Variants in KCNQ5 observed in about 807,000 individuals in gnomAD.
KCNQ5 encodes the protein potassium voltage-gated channel subfamily KQT member 5.
KCNQ5 carries 30 observed loss-of-function variants against 98.2 expected under a neutral mutation model. The ratio of observed to expected loss-of-function variants is 0.31; its 90% CI spans 0.23 to 0.41. KCNQ5 has a LOEUF of 0.41. Among genes scored for constraint, KCNQ5 ranks in the 10% least tolerant of loss-of-function variants. KCNQ5 has a pLI of 1.00. For synonymous variants in KCNQ5, 458 were observed against 449.4 expected, an observed-to-expected ratio of 1.02 and a Z score of -0.24; for missense variants, 835 against 1,182.5, an observed-to-expected ratio of 0.71 and a Z score of 4.31.
chr6:73,140,938 C>G (rs1368042064), intron 10 of KCNQ5, among the ~76,000 whole-genome samples: 2 of 152,162 alleles, frequency 1.3e-5, no homozygotes, highest in Admixed American at 6.5e-5. Flanking sequence ...GTACTCTTGT[C>G]CCCCTAAGAT....
intron 3 of KCNQ5, among the ~76,000 whole-genome samples, chr6:73,048,377 C>T (rs765352091): frequency 2.6e-5 from 4 of 152,032 alleles, no homozygotes; most frequent in Admixed American, 2.0e-4. Context: ...CATAAGGTCT[C>T]GTGGCTGGAG....
At chr6:72,987,812 A>C in intron 1 of KCNQ5, 1 of 378,828 alleles carries the variant, frequency 2.6e-6, no homozygotes. Flanking sequence ...TTTATGCTGG[A>C]GATTACAAGT....
chr6:72,787,652 G>A (rs2154478108), intron 1 of KCNQ5, among the ~76,000 whole-genome samples: 1 of 152,328 alleles, frequency 6.6e-6, no homozygotes, highest in East Asian at 1.9e-4. Flanking sequence ...AGTAACTTGA[G>A]TACCCGTCCT....
chr6:73,093,356 T>C (rs1774336295), intron 5 of KCNQ5, among the ~76,000 whole-genome samples: 1 of 152,144 alleles, frequency 6.6e-6, no homozygotes, highest in South Asian at 2.1e-4. Context: ...AAGAACCAGC[T>C]TTTTGTTTCA....
intron 2 of KCNQ5, among the ~76,000 whole-genome samples, chr6:73,039,845 A>G (rs1771609786): frequency 6.6e-6 from 1 of 152,186 alleles, no homozygotes; most frequent in African/African-American, 2.4e-5. Flanking sequence ...GTGTTGTTCA[A>G]ATAGTTCACA....
rs567011174 is a variant in KCNQ5, at chr6:72,977,178, T to C, written c.399-26730T>C. ...GATTCTCATTTTGAGGCTATCTCAT[T>C]TTATTCTCAAAACAATACTAGAGGA... On this transcript the variant is annotated intron_variant, in intron 1 of 13. Transcript: ENST00000370398. Among the ~76,000 whole-genome samples the C allele has an allele frequency of 1.1e-4, 17 of 152,312 alleles. No homozygotes were observed. The South Asian group carries it at 1.7e-3, about 15-fold the overall frequency.
chr6:73,139,400 G>A (rs1776615467), intron 10 of KCNQ5, among the ~76,000 whole-genome samples: 1 of 152,108 alleles, frequency 6.6e-6, no homozygotes, highest in African/African-American at 2.4e-5. Flanking sequence ...TTAGGTTTGG[G>A]GATTGCATTT....
chr6:73,037,678 G>A (rs1771500737), intron 2 of KCNQ5, among the ~76,000 whole-genome samples: 3 of 152,144 alleles, frequency 2.0e-5, no homozygotes, highest in South Asian at 4.2e-4. Context: ...ATTTGTGTGG[G>A]TCTAGTTCTG....
chr6:72,687,203 A>C (rs1411025009), intron 1 of KCNQ5, among the ~76,000 whole-genome samples: 15 of 152,226 alleles, frequency 9.9e-5, no homozygotes. Context: ...ACTTAAGCCA[A>C]TATTGATTGC....
At chr6:72,977,805 C>T (rs780565686) in intron 1 of KCNQ5, among the ~76,000 whole-genome samples, 7 of 152,222 alleles carry the variant, frequency 4.6e-5, no homozygotes, top group South Asian at 2.1e-4. Flanking sequence ...TGTAATAATA[C>T]GTTGTTTATG....
chr6:72,820,954 G>C (rs1775725216), intron 1 of KCNQ5, among the ~76,000 whole-genome samples: 1 of 152,260 alleles, frequency 6.6e-6, no homozygotes, highest in Middle Eastern at 3.4e-3. Flanking sequence ...AGTTTGGCTG[G>C]GCTTCTGGAG....
chr6:72,943,323 CAAAT>C (rs1388153881), intron 1 of KCNQ5, among the ~76,000 whole-genome samples: 1 of 152,144 alleles, frequency 6.6e-6, no homozygotes, highest in African/African-American at 2.4e-5. Context: ...TTGCTAGTGT[CAAAT>C]GAATGCAAAG....
chr6:72,899,740 G>A (rs1779404851), intron 1 of KCNQ5, among the ~76,000 whole-genome samples: 1 of 151,818 alleles, frequency 6.6e-6, no homozygotes. Context: ...AGATTTTGGT[G>A]TACCCATCAC....
intron 8 of KCNQ5, among the ~76,000 whole-genome samples, chr6:73,123,486 G>A (rs967162706): frequency 6.6e-6 from 1 of 152,140 alleles, no homozygotes; most frequent in African/African-American, 2.4e-5. Flanking sequence ...AGAGAGAAAT[G>A]GGAGGAGGGA....
chr6:73,106,274 C>T (rs766746917), intron 6 of KCNQ5, among the ~76,000 whole-genome samples: 5 of 152,104 alleles, frequency 3.3e-5, no homozygotes, highest in Non-Finnish European at 5.9e-5. Flanking sequence ...TTCACCAGAT[C>T]GTTCTGCCCC....
chr6:72,650,964 A>AT (rs1176978952), intron 1 of KCNQ5, among the ~76,000 whole-genome samples: 1 of 152,064 alleles, frequency 6.6e-6, no homozygotes, highest in Non-Finnish European at 1.5e-5. Context: ...GGGTCAGCCT[A>AT]TTTTAAGAGG....
intron 1 of KCNQ5, among the ~76,000 whole-genome samples, chr6:72,968,156 A>T (rs559088284): frequency 6.6e-6 from 1 of 152,300 alleles, no homozygotes; most frequent in Admixed American, 6.5e-5. Context: ...ACACACTCAC[A>T]GTGTCTCAGA....
chr6:72,628,644 C>A (rs1217151610), intron 1 of KCNQ5, among the ~76,000 whole-genome samples: 1 of 152,148 alleles, frequency 6.6e-6, no homozygotes, highest in Non-Finnish European at 1.5e-5. Context: ...GAGCCTCACT[C>A]CGTTGCCCAG....
chr6:73,095,657 T>G (rs185060880), intron 5 of KCNQ5, among the ~76,000 whole-genome samples: 91 of 152,276 alleles, frequency 6.0e-4, no homozygotes, highest in Non-Finnish European at 1.2e-3. Context: ...TGGATGTGAC[T>G]TCCTGAGAGC....
Sources: allele counts gnomAD v4.1 joint callset (sites outside exome capture counted in the v4.1 genomes callset), GRCh38; gene constraint gnomAD v4.1.1; transcripts MANE v1.5; gene names NCBI Gene and HGNC (gene_info 2026-07-23, HGNC 2026-07-21).